Variants in MTNAP1 observed in about 807,000 individuals in gnomAD.
The protein encoded by MTNAP1 is mitochondrial nucleoid-associated protein 1.
chr17:73,245,472 T>G, the MTNAP1 span: 1 of 1,106,732 alleles, frequency 9.0e-7, no homozygotes, highest in Non-Finnish European at 1.1e-6. Context: ...AAAGTTGTTA[T>G]TCAAGGAGAT....
chr17:73,236,977 G>T, the MTNAP1 span: 76 of 1,577,118 alleles, frequency 4.8e-5, no homozygotes, highest in Non-Finnish European at 6.4e-5. Flanking sequence ...CAGTCCCCAG[G>T]GGGAAAGACT....
the MTNAP1 span, among the ~76,000 whole-genome samples, chr17:73,238,914 T>A: frequency 7.6e-6 from 1 of 131,166 alleles, no homozygotes; most frequent in Non-Finnish European, 1.7e-5. Context: ...TATAGTGCCA[T>A]ACTTTTCTGT....
chr17:73,244,228 G>A, the MTNAP1 span, among the ~76,000 whole-genome samples: 1 of 152,106 alleles, frequency 6.6e-6, no homozygotes, highest in Non-Finnish European at 1.5e-5. Context: ...CAGCATTTTT[G>A]TATAATTAAA....
At chr17:73,237,091 A>C in the MTNAP1 span, 7 of 1,237,332 alleles carry the variant, frequency 5.7e-6, no homozygotes, top group Non-Finnish European at 7.6e-6. Flanking sequence ...ATTTTCAGTC[A>C]TTTAGTTTAT....
chr17:73,244,797 A>G, the MTNAP1 span: 117 of 173,746 alleles, frequency 6.7e-4, 1 homozygote, highest in African/African-American at 2.7e-3. Flanking sequence ...AGCAGGAACA[A>G]GGCGGCAGCA....
At chr17:73,244,311 C>T in the MTNAP1 span, among the ~76,000 whole-genome samples, 2 of 152,098 alleles carry the variant, frequency 1.3e-5, no homozygotes, top group Admixed American at 1.3e-4. Flanking sequence ...GCCTGTAATC[C>T]CAGCACTTTG....
chr17:73,232,628 A>C, the MTNAP1 span: 126,063 of 243,574 alleles, frequency 0.52, 33,512 homozygotes, highest in East Asian at 0.63. Context: ...CGGCCTGACG[A>C]GGTTCCTTGG....
At chr17:73,244,605 TAAAAC>T in the MTNAP1 span, 3 of 136,088 alleles carry the variant, frequency 2.2e-5, no homozygotes, top group East Asian at 2.1e-4. Flanking sequence ...TTTGTACAAT[TAAAAC>T]AAAAAGCCCA....
At chr17:73,245,724 C>G in the MTNAP1 span, 1 of 985,360 alleles carries the variant, frequency 1.0e-6, no homozygotes, top group South Asian at 4.7e-5. Context: ...ATTCGAGTTG[C>G]AGGTAAGCCT....
At chr17:73,239,861 T>C in the MTNAP1 span, among the ~76,000 whole-genome samples, 10 of 152,310 alleles carry the variant, frequency 6.6e-5, no homozygotes, top group East Asian at 1.9e-3. Context: ...GTTCATGCAG[T>C]AAGTGACAGA....
chr17:73,233,780 G>C, the MTNAP1 span, among the ~76,000 whole-genome samples: 703 of 152,274 alleles, frequency 4.6e-3, 8 homozygotes, highest in African/African-American at 0.016. Flanking sequence ...GGCTGAGGCA[G>C]GAGAACCGTT....
chr17:73,245,257 C>T, the MTNAP1 span: 6 of 1,582,064 alleles, frequency 3.8e-6, no homozygotes, highest in African/African-American at 1.4e-5. Flanking sequence ...GACTGCAATA[C>T]ATACTTAACA....
At chr17:73,235,510 G>A in the MTNAP1 span, 1 of 1,613,334 alleles carries the variant, frequency 6.2e-7, no homozygotes, top group Non-Finnish European at 8.5e-7. Flanking sequence ...CAGAATGGAA[G>A]TGTGTCCTTA....
chr17:73,248,295 C>A, the MTNAP1 span: 6 of 577,966 alleles, frequency 1.0e-5, no homozygotes, highest in South Asian at 1.3e-4. Flanking sequence ...GAAGCCAGTA[C>A]GCTTCAGGTG....
chr17:73,236,496 G>T, the MTNAP1 span: 1 of 1,614,148 alleles, frequency 6.2e-7, no homozygotes, highest in African/African-American at 1.3e-5. Flanking sequence ...TCAACACCAG[G>T]GATTCAGTCA....
At chr17:73,243,683 C>T in the MTNAP1 span, among the ~76,000 whole-genome samples, 1 of 151,966 alleles carries the variant, frequency 6.6e-6, no homozygotes, top group African/African-American at 2.4e-5. Flanking sequence ...TGTGTGTCAC[C>T]ATGCCTGGCT....
the MTNAP1 span, chr17:73,235,861 A>G: frequency 2.5e-6 from 4 of 1,614,140 alleles, no homozygotes; most frequent in South Asian, 3.3e-5. Context: ...AAAAAATACT[A>G]AACCAATGAC....
chr17:73,248,264 CAAGT>C, the MTNAP1 span: 167 of 521,144 alleles, frequency 3.2e-4, no homozygotes, highest in African/African-American at 2.8e-3. Context: ...GAATAGTAGA[CAAGT>C]AAGACTGCTA....
At chr17:73,248,662 G>T in the MTNAP1 span, 1 of 967,404 alleles carries the variant, frequency 1.0e-6, no homozygotes, top group East Asian at 2.6e-5. Context: ...GGACGTATTT[G>T]AAGGTTCTGT....
Sources: gnomAD v4.1 joint callset for allele counts (sites outside exome capture counted in the v4.1 genomes callset) on GRCh38, gnomAD v4.1.1 for gene constraint, MANE v1.5 for transcripts, NCBI Gene and HGNC (gene_info 2026-07-23, HGNC 2026-07-21) for gene names.